The following CPED1 variants were observed in gnomAD, a reference collection of about 807,000 sequenced individuals.
CPED1 encodes cadherin like and PC-esterase domain containing 1.
A neutral mutation model predicts 128.2 loss-of-function variants in CPED1; 114 were observed. The observed-to-expected ratio is 0.89, with a 90% CI of 0.76 to 1.04. The LOEUF is 1.04. CPED1 is among the 50% of genes least tolerant of loss of function. CPED1 has a pLI of 0.00. For synonymous variants in CPED1, 462 were observed against 426.7 expected (o/e 1.08, Z -1.02); for missense variants, 1,211 against 1,207.1 (o/e 1.00, Z -0.05).
At chr7:121,117,715 T>G (rs2116289946) in intron 7 of CPED1, among the ~76,000 whole-genome samples, 1 of 152,126 alleles carries the variant, frequency 6.6e-6, no homozygotes, top group South Asian at 2.1e-4. Context: ...ACATGGACAA[T>G]TTTGAGAGAG....
intron 2 of CPED1, among the ~76,000 whole-genome samples, chr7:121,011,353 A>T (rs992293032): frequency 2.6e-5 from 4 of 152,072 alleles, no homozygotes; most frequent in Admixed American, 1.3e-4. Context: ...TCTTTATTCA[A>T]TTTTTACTGT....
chr7:121,122,628 T>A (rs1338626318), intron 7 of CPED1, among the ~76,000 whole-genome samples: 1 of 152,164 alleles, frequency 6.6e-6, no homozygotes, highest in Non-Finnish European at 1.5e-5. Flanking sequence ...CTGGACCTTT[T>A]TACCTCTAGA....
chr7:121,038,611 C>T (rs145170782), intron 3 of CPED1, among the ~76,000 whole-genome samples: 1 of 152,012 alleles, frequency 6.6e-6, no homozygotes, highest in Non-Finnish European at 1.5e-5. Flanking sequence ...AAACTGAAGT[C>T]CATACTTTGT....
At chr7:121,236,648 T>G in intron 16 of CPED1, 66 bp from the exon 17 acceptor site, 1 of 976,260 alleles carries the variant, frequency 1.0e-6, no homozygotes, top group East Asian at 2.6e-5. Flanking sequence ...AGTCTTATTT[T>G]TTAGATTTTA....
intron 16 of CPED1, among the ~76,000 whole-genome samples, chr7:121,146,634 A>AC (rs1256835002): frequency 6.6e-6 from 1 of 152,148 alleles, no homozygotes; most frequent in African/African-American, 2.4e-5. Flanking sequence ...AATTACAATA[A>AC]CATTTTGATA....
chr7:121,230,485 A>T (rs1798110566), intron 16 of CPED1, among the ~76,000 whole-genome samples: 1 of 152,118 alleles, frequency 6.6e-6, no homozygotes, highest in Non-Finnish European at 1.5e-5. Context: ...AAAAGTCCAG[A>T]ATTAGACATT....
Position 121,266,227 on chromosome 7 carries a change from A to T in CPED1, c.2311A>T (p.Ile771Phe), listed in dbSNP as rs1209401237. Reference protein sequence around the residue: ...QLQQCLGGRKILFIGDSTNRG... With the variant: ...QLQQCLGGRKFLFIGDSTNRG... ...CAAATGCTTTCTCTTTAACTTATAG[A>T]TTCTGTTCATTGGAGATTCAACCAA... Residue 771 changes from isoleucine (I) to phenylalanine (F), a missense_variant and splice_region_variant, in exon 19 of 23, where the codon ATT (isoleucine) becomes TTT (phenylalanine). Ile to Phe is a conservative substitution (Grantham distance 21). Coordinates refer to ENST00000310396, the MANE Select transcript of CPED1 (RefSeq NM_024913.5). 6.2e-7 allele frequency: 1 copy of T among 1,603,856 alleles called. No homozygotes were observed. Among genetic ancestry groups the T allele is most frequent in the Non-Finnish European group, 8.5e-7 (1 of 1,171,222 alleles).
intron 22 of CPED1, among the ~76,000 whole-genome samples, chr7:121,282,223 CT>C (rs1792477515): frequency 6.6e-6 from 1 of 152,076 alleles, no homozygotes; most frequent in African/African-American, 2.4e-5. Flanking sequence ...CATCTGAGGC[CT>C]TTTGTCTCTG....
intron 16 of CPED1, among the ~76,000 whole-genome samples, chr7:121,219,805 T>C (rs1797838501): frequency 6.6e-6 from 1 of 152,074 alleles, no homozygotes; most frequent in Non-Finnish European, 1.5e-5. Flanking sequence ...TTAATAAAAC[T>C]AAAACGTACT....
chr7:121,061,473 AT>A (rs1405456027), intron 4 of CPED1, among the ~76,000 whole-genome samples: 2 of 152,212 alleles, frequency 1.3e-5, no homozygotes, highest in African/African-American at 4.8e-5. Flanking sequence ...TCGGATGATA[AT>A]GATATGTAGG....
intron 7 of CPED1, among the ~76,000 whole-genome samples, chr7:121,104,807 A>AT (rs1794932886): frequency 6.6e-6 from 1 of 152,124 alleles, no homozygotes; most frequent in Non-Finnish European, 1.5e-5. Context: ...TGCATGAAGA[A>AT]ATTGCCTGAG....
rs548485470 is a variant in CPED1 at position 121,250,273 on chromosome 7, C to T, written c.2310+5935C>T. On this transcript the variant is annotated intron_variant, in intron 18 of 22. Transcript: ENST00000310396. ...AAATAAAGATGTTCTTTGAAACCAA[C>T]GAGAACAAAGACACAACATACCAGA... Among the ~76,000 whole-genome samples the T allele has an allele frequency of 7.3e-5, 11 of 151,430 alleles. 1 individual carries two copies. The highest frequency in any genetic ancestry group is 2.4e-4 in the African/African-American group (10 of 41,312).
intron 2 of CPED1, among the ~76,000 whole-genome samples, chr7:120,990,457 T>A (rs1796292154): frequency 6.6e-6 from 1 of 152,110 alleles, no homozygotes; most frequent in Non-Finnish European, 1.5e-5. Context: ...ATCAGGGAAA[T>A]ACAGATTATT....
chr7:121,237,942 T>G (rs574560731), intron 17 of CPED1, among the ~76,000 whole-genome samples: 10 of 152,184 alleles, frequency 6.6e-5, no homozygotes, highest in Non-Finnish European at 1.5e-4. Flanking sequence ...GATTTGTGAT[T>G]CTCTGCTAAA....
chr7:121,127,117 T>C lies in CPED1; in HGVS notation c.1162T>C (p.Tyr388His). Reference sequence around the variant, plus strand: ...ACACGAGCATTTAAATTTTCAAGATTATGATAATATGGATTTTGAGGACCA... The same window carrying C: ...ACACGAGCATTTAAATTTTCAAGATCATGATAATATGGATTTTGAGGACCA... ...QVHEHLNFQD[Y>H]DNMDFEDQNT... Residue 388 changes from tyrosine to histidine, a missense_variant, in exon 10 of 23, where the codon TAT (tyrosine) becomes CAT (histidine). By Grantham distance (83) the Tyr-to-His change is moderately conservative. Transcript: ENST00000310396. 1.3e-6 allele frequency: 2 copies of C among 1,597,318 alleles called. No individual in the cohort carries two copies. Among genetic ancestry groups the C allele is most frequent in the Non-Finnish European group, 1.7e-6 (2 of 1,173,166 alleles).
intron 2 of CPED1, among the ~76,000 whole-genome samples, chr7:120,990,933 A>T (rs969336235): frequency 1.7e-4 from 26 of 152,354 alleles, no homozygotes; most frequent in African/African-American, 6.3e-4. Flanking sequence ...AGACAGGTAC[A>T]GTAGATAGGA....
At position 121,283,182 on chromosome 7, in the gene CPED1, C is replaced by T. The variant is rs529876773; in HGVS notation, c.2868+11752C>T. Among the ~76,000 whole-genome samples, 75 of 152,272 alleles carry T rather than the reference C, an allele frequency of 4.9e-4. 1 individual carries two copies. The East Asian group carries it at 0.01, about 20-fold the overall frequency. On this transcript the variant is annotated intron_variant, in intron 22 of 22. Coordinates refer to ENST00000310396, the MANE Select transcript of CPED1 (RefSeq NM_024913.5). ...TCTCACACAATTAAAAGTATTAGGACCACATTTATGGTCACTGGATTTATG... is the reference window on the plus strand; with the variant it reads ...TCTCACACAATTAAAAGTATTAGGATCACATTTATGGTCACTGGATTTATG...
At chr7:121,009,808 G>A (rs1402898843) in intron 2 of CPED1, among the ~76,000 whole-genome samples, 1 of 152,148 alleles carries the variant, frequency 6.6e-6, no homozygotes, top group Non-Finnish European at 1.5e-5. Flanking sequence ...TTGAAACGAA[G>A]TGGAGGAGAG....
intron 16 of CPED1, among the ~76,000 whole-genome samples, chr7:121,159,031 A>T (rs921587059): frequency 1.3e-5 from 2 of 152,146 alleles, no homozygotes; most frequent in Non-Finnish European, 2.9e-5. Flanking sequence ...CAACCCCCCG[A>T]AATATATTTC....
Sources: allele counts gnomAD v4.1 joint callset (sites outside exome capture counted in the v4.1 genomes callset), GRCh38; gene constraint gnomAD v4.1.1; transcripts MANE v1.5; gene names NCBI Gene and HGNC (gene_info 2026-07-23, HGNC 2026-07-21).